Variants in ERBB4 observed in about 807,000 individuals in gnomAD.
ERBB4 encodes receptor tyrosine-protein kinase erbB-4.
ERBB4 carries 42 observed loss-of-function variants against 158.0 expected under a neutral mutation model. That is an observed-to-expected ratio of 0.27 (90% CI 0.21 to 0.34). The LOEUF is 0.34. ERBB4 is among the 10% of genes least tolerant of loss of function. The pLI, the probability that ERBB4 is intolerant of heterozygous loss-of-function variation, is 1.00. For synonymous variants in ERBB4, 583 were observed against 558.7 expected (o/e 1.04, Z -0.61); for missense variants, 1,333 against 1,624.1 (o/e 0.82, Z 3.08).
chr2:212,047,832 A>T (rs2077295591), intron 2 of ERBB4, among the ~76,000 whole-genome samples: 1 of 152,122 alleles, frequency 6.6e-6, no homozygotes, highest in Non-Finnish European at 1.5e-5. Context: ...TTGATATTTG[A>T]TGATTCTTAT....
intron 1 of ERBB4, among the ~76,000 whole-genome samples, chr2:212,345,269 A>AC (rs2088939390): frequency 6.7e-6 from 1 of 149,342 alleles, no homozygotes; most frequent in African/African-American, 2.5e-5. Context: ...CCGTCTCAAA[A>AC]AAAAAAAAGC....
At position 211,688,941 on chromosome 2, in the gene ERBB4, T is replaced by C. The variant is rs137942962; in HGVS notation, c.1490-9757A>G. Among the ~76,000 whole-genome samples the C allele has an allele frequency of 1.9e-3, 284 of 152,264 alleles. 1 individual carries two copies. The highest frequency in any genetic ancestry group is 6.4e-3 in the African/African-American group (266 of 41,568). ...CTCATAGTTTGCAGGTTTTACTTAA[T>C]TGTGGTTTTCTCCATGTCTTAAATA... On this transcript the variant is annotated intron_variant, in intron 12 of 27. Coordinates refer to ENST00000342788, the MANE Select transcript of ERBB4 (RefSeq NM_005235.3).
At chr2:211,675,171 A>T (rs940078026) in intron 13 of ERBB4, among the ~76,000 whole-genome samples, 26 of 151,952 alleles carry the variant, frequency 1.7e-4, no homozygotes, top group Middle Eastern at 3.2e-3. Flanking sequence ...CTTGAATCAG[A>T]TTTAACAATT....
At chr2:212,041,117 C>T (rs1257745909) in intron 2 of ERBB4, among the ~76,000 whole-genome samples, 1 of 152,000 alleles carries the variant, frequency 6.6e-6, no homozygotes, top group Non-Finnish European at 1.5e-5. Flanking sequence ...ATCTGTAAAA[C>T]TGATCAATAA....
intron 1 of ERBB4, among the ~76,000 whole-genome samples, chr2:212,468,161 C>T (rs1688933499): frequency 6.6e-6 from 1 of 152,118 alleles, no homozygotes; most frequent in South Asian, 2.1e-4. Flanking sequence ...AAGGTACTTG[C>T]CTTGTCTCAG....
intron 2 of ERBB4, among the ~76,000 whole-genome samples, chr2:212,071,664 A>G (rs1195429861): frequency 6.6e-6 from 1 of 152,050 alleles, no homozygotes; most frequent in Non-Finnish European, 1.5e-5. Flanking sequence ...CAACAGATGT[A>G]CAAAGTATCT....
chr2:211,397,199 C>T (rs959550067), intron 25 of ERBB4, among the ~76,000 whole-genome samples: 1 of 151,836 alleles, frequency 6.6e-6, no homozygotes, highest in Non-Finnish European at 1.5e-5. Flanking sequence ...TATTGAAAAG[C>T]CCCCAAATCT....
chr2:212,453,736 A>G (rs1365171928), intron 1 of ERBB4, among the ~76,000 whole-genome samples: 1 of 152,188 alleles, frequency 6.6e-6, no homozygotes, highest in African/African-American at 2.4e-5. Flanking sequence ...AATGTTAGTT[A>G]CACATTGCTA....
chr2:211,681,481 A>T (rs6755268), intron 12 of ERBB4, among the ~76,000 whole-genome samples: 70,501 of 151,968 alleles, frequency 0.46, 17,373 homozygotes, highest in African/African-American at 0.59. Flanking sequence ...TCCTACCATC[A>T]ATGAACACAA....
intron 20 of ERBB4, among the ~76,000 whole-genome samples, chr2:211,558,063 G>C (rs2067286499): frequency 6.6e-6 from 1 of 152,150 alleles, no homozygotes; most frequent in Non-Finnish European, 1.5e-5. Context: ...GGAGCTAAAT[G>C]ATGAGAATGC....
intron 1 of ERBB4, among the ~76,000 whole-genome samples, chr2:212,504,337 G>A (rs1691064548): frequency 6.6e-6 from 1 of 151,714 alleles, no homozygotes; most frequent in Admixed American, 6.6e-5. Flanking sequence ...TAACTCAAAG[G>A]AATAACTAGT....
chr2:211,827,139 AATGTT>A lies in ERBB4; in HGVS notation c.422-38985_422-38981del, dbSNP rs1235425144. On this transcript the variant is annotated intron_variant, in intron 3 of 27. Transcript: ENST00000342788. ...ATTGGGGATTAAGAATAAAATTTAG[AATGTT>A]AGACTCTTACCCTACCCATGCTCTA... Among the ~76,000 whole-genome samples, 4 of 151,954 alleles carry A rather than the reference AATGTT, an allele frequency of 2.6e-5. No homozygotes were observed. The East Asian group carries it at 5.8e-4, about 22-fold the overall frequency.
chr2:211,674,937 G>A (rs1293791579), intron 13 of ERBB4, among the ~76,000 whole-genome samples: 1 of 152,044 alleles, frequency 6.6e-6, no homozygotes, highest in African/African-American at 2.4e-5. Context: ...GCAGAGTTGA[G>A]GAATAAAATG....
At chr2:211,432,963 T>C (rs893534907) in intron 20 of ERBB4, among the ~76,000 whole-genome samples, 5 of 152,154 alleles carry the variant, frequency 3.3e-5, no homozygotes, top group South Asian at 2.1e-4. Context: ...TAGTATAGCC[T>C]AGCAAGTATG....
At chr2:211,774,621 T>A (rs1422155343) in intron 4 of ERBB4, among the ~76,000 whole-genome samples, 1 of 152,178 alleles carries the variant, frequency 6.6e-6, no homozygotes, top group African/African-American at 2.4e-5. Flanking sequence ...ATATCGCGGC[T>A]GTTGAACATA....
chr2:211,818,659 G>C (rs1367093934), intron 3 of ERBB4, among the ~76,000 whole-genome samples: 1 of 151,964 alleles, frequency 6.6e-6, no homozygotes, highest in Non-Finnish European at 1.5e-5. Context: ...GATAATTCAG[G>C]CATTAGCTCT....
chr2:211,655,407 C>T (rs535828452), intron 16 of ERBB4, among the ~76,000 whole-genome samples: 2 of 152,252 alleles, frequency 1.3e-5, no homozygotes, highest in East Asian at 3.9e-4. Flanking sequence ...TCTAAGGACA[C>T]ACTCAATCTT....
chr2:211,620,413 G>T (rs1264621977), intron 18 of ERBB4, among the ~76,000 whole-genome samples: 1 of 152,074 alleles, frequency 6.6e-6, no homozygotes, highest in Non-Finnish European at 1.5e-5. Flanking sequence ...TTTTCACTTT[G>T]AACTTTTATG....
chr2:211,713,575 C>A lies in ERBB4; in HGVS notation c.957G>T (p.Gly319=), dbSNP rs753661024. 8 of 1,612,290 alleles carry A rather than the reference C, an allele frequency of 5.0e-6. No homozygotes were observed. The East Asian group carries it at 8.9e-5, about 18-fold the overall frequency. Reference sequence around the variant, plus strand: ...CAGTGCAAGGTTTACACATTTTAATCCCATTTTCTTCTACTTCCATCTTGG... The same window carrying A: ...CAGTGCAAGGTTTACACATTTTAATACCATTTTCTTCTACTTCCATCTTGG... The part of the protein sequence containing the change: ...PSSKMEVEEN[G]IKMCKPCTDI... The change falls in exon 8 of 28, where the codon GGG becomes GGT. Residue 319 remains glycine, a synonymous_variant. Coordinates refer to ENST00000342788, the MANE Select transcript of ERBB4 (RefSeq NM_005235.3).
Sources: gnomAD v4.1 joint callset for allele counts (sites outside exome capture counted in the v4.1 genomes callset) on GRCh38, gnomAD v4.1.1 for gene constraint, MANE v1.5 for transcripts, NCBI Gene and HGNC (gene_info 2026-07-23, HGNC 2026-07-21) for gene names.